The following MOBP variants were observed in gnomAD, a reference collection of about 807,000 sequenced individuals.
MOBP encodes the protein myelin associated oligodendrocyte basic protein, also known as myelin-associated oligodendrocyte basic protein.
MOBP carries 5 observed loss-of-function variants against 15.0 expected under a neutral mutation model. The ratio of observed to expected loss-of-function variants is 0.33; its 90% CI spans 0.17 to 0.70. MOBP has a LOEUF of 0.70. Among genes scored for constraint, MOBP ranks in the 30% least tolerant of loss-of-function variants. The pLI is 0.67. For missense variants in MOBP, 188 were observed against 257.8 expected (o/e 0.73, Z 1.85); for synonymous variants, 88 against 99.0 (o/e 0.89, Z 0.66).
rs746046958 is a variant in MOBP at position 39,502,134 on chromosome 3, T to A, written c.65T>A (p.Phe22Tyr). The A allele has an allele frequency of 6.2e-7, 1 of 1,614,182 alleles. No homozygotes were observed. The highest frequency in any genetic ancestry group is 8.5e-7 in the Non-Finnish European group (1 of 1,180,034). ...LSKNQKYSEH[F>Y]SIHCCPPFTF... ...AAAAACCAGAAGTACTCCGAACACT[T>A]CAGCATACACTGCTGCCCGCCGTTC... is the stretch of plus-strand genomic sequence containing the variant. Residue 22 changes from phenylalanine (F) to tyrosine (Y), a missense_variant, in exon 3 of 4, where the codon TTC becomes TAC. By Grantham distance (22) the Phe-to-Tyr change is conservative. Around this residue, in one of 2 missense-constraint regions of MOBP, gnomAD observed 133 missense variants for 212.5 expected, o/e 0.63. Transcript: ENST00000684792. The surrounding 1 kb of genome is among the most constrained non-coding windows in gnomAD (Gnocchi z 6.3).
intron 4 of MOBP, among the ~76,000 whole-genome samples, chr3:39,511,402 C>T (rs1559427472): frequency 6.6e-6 from 1 of 152,188 alleles, no homozygotes; most frequent in Non-Finnish European, 1.5e-5. Flanking sequence ...AGCTGTGCTA[C>T]AATACGATGA....
In MOBP at chr3:39,502,043, C is replaced by G. The variant is rs776027065; in HGVS notation, c.-4-23C>G. 2.5e-6 allele frequency: 4 copies of G among 1,605,212 alleles called. No individual in the cohort carries two copies. The East Asian group carries it at 6.7e-5, about 27-fold the overall frequency. ...GATGTGCGTTTATGTCTCCTCCTGTCTCCTTGCATCGGCGATTTCCAGTGA... is the reference window on the plus strand; with the variant it reads ...GATGTGCGTTTATGTCTCCTCCTGTGTCCTTGCATCGGCGATTTCCAGTGA... On this transcript the variant is annotated intron_variant, in intron 2 of 3. Coordinates refer to ENST00000684792, the MANE Select transcript of MOBP (RefSeq NM_001393704.1). The surrounding 1 kb of genome is among the most constrained non-coding windows in gnomAD (Gnocchi z 6.3).
intron 2 of MOBP, among the ~76,000 whole-genome samples, chr3:39,487,050 T>G (rs1191966510): frequency 6.6e-6 from 1 of 151,710 alleles, no homozygotes; most frequent in African/African-American, 2.4e-5. Context: ...AAGAGATCCT[T>G]TCATCTCAGC....
At chr3:39,481,592 C>G (rs1017789806) in intron 2 of MOBP, among the ~76,000 whole-genome samples, 2 of 152,224 alleles carry the variant, frequency 1.3e-5, no homozygotes, top group East Asian at 1.9e-4. Context: ...CCTCTGCCCC[C>G]ACAAAGAACC....
chr3:39,526,190 C>G (rs2043321777), downstream of MOBP: 1 of 152,208 alleles, frequency 6.6e-6, no homozygotes, highest in South Asian at 2.1e-4. Context: ...GCTGGGCTCT[C>G]TCTTCCACAT....
At chr3:39,469,926 T>G (rs368599537) in intron 1 of MOBP, among the ~76,000 whole-genome samples, 2 of 152,236 alleles carry the variant, frequency 1.3e-5, no homozygotes, top group South Asian at 2.1e-4. Context: ...TAAATAGCAA[T>G]TACAGTGACC....
chr3:39,492,721 A>G (rs776876270), intron 2 of MOBP, among the ~76,000 whole-genome samples: 50 of 152,282 alleles, frequency 3.3e-4, no homozygotes, highest in Admixed American at 1.2e-3. Context: ...GAGACTGATC[A>G]TTATTTTCCT....
At chr3:39,509,039 T>C (rs1343888066) in intron 4 of MOBP, among the ~76,000 whole-genome samples, 2 of 151,898 alleles carry the variant, frequency 1.3e-5, no homozygotes, top group Non-Finnish European at 2.9e-5. Flanking sequence ...TATGTTTATA[T>C]GTATGTGCAT....
intron 4 of MOBP, among the ~76,000 whole-genome samples, chr3:39,511,009 G>C (rs1310654950): frequency 6.6e-6 from 1 of 152,126 alleles, no homozygotes; most frequent in Admixed American, 6.5e-5. Context: ...CTTTCCTCAT[G>C]GCCTATTGAC....
At position 39,502,831 on chromosome 3, in the gene MOBP, C is replaced by A. The variant is rs1211146923; in HGVS notation, c.503C>A (p.Pro168Gln). ...QQPRSSPLRG[P>Q]GASRGGSPVK... Reference sequence around the variant, plus strand: ...CCGCGCAGCAGCCCCCTCAGAGGGCCAGGCGCCAGCCGTGGGGGGTCCCCC... The same window carrying A: ...CCGCGCAGCAGCCCCCTCAGAGGGCAAGGCGCCAGCCGTGGGGGGTCCCCC... The change falls in exon 4 of 4, where the codon CCA (proline) becomes CAA (glutamine). Residue 168 changes from proline (P) to glutamine (Q), a missense_variant. Transcript: ENST00000684792. This position sits in a 1 kb window ranked among gnomAD's most constrained non-coding sequence, Gnocchi z 6.3. 8.6e-6 allele frequency: 13 copies of A among 1,515,146 alleles called. No individual in the cohort carries two copies. The highest frequency in any genetic ancestry group is 1.1e-5 in the Non-Finnish European group (13 of 1,131,010). The allele number at this position is 1,515,146 out of a possible 1,614,324, so 93.9% of individuals were successfully genotyped here. A position where few individuals can be genotyped will look rare whatever the true frequency, so the allele number is the denominator to read the frequency against.
downstream of MOBP, chr3:39,528,151 A>G (rs1304837332): frequency 6.6e-6 from 1 of 152,224 alleles, no homozygotes; most frequent in Non-Finnish European, 1.5e-5. Flanking sequence ...AACATATTAA[A>G]ATAGAGGTAA....
downstream of MOBP, chr3:39,525,097 A>G (rs1211264409): frequency 2.0e-5 from 3 of 152,242 alleles, no homozygotes; most frequent in African/African-American, 7.2e-5. Flanking sequence ...GGGTATCCCA[A>G]AAATAAAACT....
At chr3:39,522,327 A>C (rs986632054) in intron 3 of MOBP, among the ~76,000 whole-genome samples, 1 of 152,220 alleles carries the variant, frequency 6.6e-6, no homozygotes, top group African/African-American at 2.4e-5. Flanking sequence ...ACTATTCACT[A>C]TTTGCATTTG....
rs2042395551 is a variant in MOBP at position 39,468,856 on chromosome 3, A to AGTGTGTATATATACATATATACATGAGT, written c.-89+1140_-89+1141insGAGTGTGTGTATATATACATATATACAT. On this transcript the variant is annotated intron_variant, in intron 1 of 3. Coordinates refer to ENST00000684792, the MANE Select transcript of MOBP (RefSeq NM_001393704.1). Reference sequence around the variant, plus strand: ...GTGTGTATATATACATATATACATGAGTGTGTATATATACATATATACATA... The same window carrying AGTGTGTATATATACATATATACATGAGT: ...GTGTGTATATATACATATATACATGAGTGTGTATATATACATATATACATGAGTGTGTGTATATATACATATATACATA... 3.5e-5 allele frequency among the ~76,000 whole-genome samples: 3 copies of AGTGTGTATATATACATATATACATGAGT among 86,430 alleles called. 1 individual carries two copies. The highest frequency in any genetic ancestry group is 6.2e-5 in the Non-Finnish European group (3 of 48,402). The allele number at this position is 86,430 out of a possible 152,430, so 56.7% of individuals were successfully genotyped here.
intron 4 of MOBP, among the ~76,000 whole-genome samples, chr3:39,508,925 C>G (rs933583256): frequency 6.6e-6 from 1 of 152,054 alleles, no homozygotes; most frequent in African/African-American, 2.4e-5. Flanking sequence ...TGGGAAAACC[C>G]CAGCCTTGGA....
At chr3:39,495,843 A>G (rs150661328) in intron 2 of MOBP, among the ~76,000 whole-genome samples, 5 of 152,080 alleles carry the variant, frequency 3.3e-5, no homozygotes, top group African/African-American at 1.2e-4. Context: ...AACAAAGACA[A>G]GAAAACCACT....
At chr3:39,485,470 CAT>C (rs1343215436) in intron 2 of MOBP, among the ~76,000 whole-genome samples, 1 of 152,160 alleles carries the variant, frequency 6.6e-6, no homozygotes, top group East Asian at 1.9e-4. Flanking sequence ...CTTTGGGAAA[CAT>C]GGATGATTTT....
downstream of MOBP, among the ~76,000 whole-genome samples, chr3:39,516,706 A>G (rs770664866): frequency 2.0e-5 from 3 of 152,218 alleles, no homozygotes; most frequent in Non-Finnish European, 4.4e-5. Flanking sequence ...ACATTTTGCC[A>G]CTACAGTTTT....
chr3:39,482,408 T>C (rs1336739013), intron 2 of MOBP, among the ~76,000 whole-genome samples: 1 of 151,992 alleles, frequency 6.6e-6, no homozygotes, highest in Non-Finnish European at 1.5e-5. Flanking sequence ...TCCCAGCACT[T>C]TGGGAGGCCG....
Sources: gnomAD v4.1 joint callset for allele counts (sites outside exome capture counted in the v4.1 genomes callset) on GRCh38, gnomAD v4.1.1 for gene constraint, gnomAD v4.1.1 regional missense constraint, Gnocchi (gnomAD v3.1) non-coding constraint, MANE v1.5 for transcripts, NCBI Gene and HGNC (gene_info 2026-07-23, HGNC 2026-07-21) for gene names.